FDFT1: variants seen among roughly 807,000 people sequenced by gnomAD.
FDFT1 encodes the protein farnesyl-diphosphate farnesyltransferase 1, also known as squalene synthase.
In FDFT1, 68 loss-of-function variants were observed where a neutral mutation model predicts 46.8. That is an observed-to-expected ratio of 1.45 (90% CI 1.19 to 1.78). The LOEUF (loss-of-function observed/expected upper bound fraction) is 1.78, where lower values mean the gene tolerates loss of function less well. Among genes scored for constraint, FDFT1 ranks in the 40% most tolerant of loss-of-function variants. The probability of loss-of-function intolerance (pLI) is 0.00; values close to 1 mark genes in which losing one functional copy is unlikely to be tolerated. For synonymous variants in FDFT1, 351 were observed against 185.1 expected, an observed-to-expected ratio of 1.90 and a Z score of -7.28; for missense variants, 928 against 524.4, an observed-to-expected ratio of 1.77 and a Z score of -7.52.
intron 7 of FDFT1, 120 bp downstream of exon 7, chr8:11,831,790 G>A (rs1193169906): frequency 1.1e-6 from 1 of 871,502 alleles, no homozygotes; most frequent in African/African-American, 1.7e-5. Flanking sequence ...GTGGCCTAAA[G>A]AGACAGGAAT....
At chr8:11,808,598 G>A in intron 1 of FDFT1, 196 bp from the exon 2 acceptor site, 1 of 1,389,258 alleles carries the variant, frequency 7.2e-7, no homozygotes, top group East Asian at 2.8e-5. Context: ...CGGCGCCCAG[G>A]GGCCCGGGCG....
chr8:11,818,216 G>A (rs1198648255), intron 3 of FDFT1, among the ~76,000 whole-genome samples: 2 of 152,210 alleles, frequency 1.3e-5, no homozygotes, highest in Admixed American at 6.5e-5. Flanking sequence ...TTTCACTGTG[G>A]TCTGAGAGAA....
rs556353133 is a variant in FDFT1, at chr8:11,820,164, C to T, written c.382-1586C>T. ...TAGACCCTGTTTACCTGGGTATCAC[C>T]AGTGGAGGCTGCAGAACAGCAAATA... is the stretch of plus-strand genomic sequence containing the variant. On this transcript the variant is annotated intron_variant, in intron 3 of 7. Coordinates refer to ENST00000220584, the MANE Select transcript of FDFT1 (RefSeq NM_004462.5). 2.0e-5 allele frequency among the ~76,000 whole-genome samples: 3 copies of T among 152,252 alleles called. No homozygotes were observed. The East Asian group carries it at 5.8e-4, about 29-fold the overall frequency.
chr8:11,817,556 C>T (rs1808631604), intron 3 of FDFT1, among the ~76,000 whole-genome samples: 1 of 152,170 alleles, frequency 6.6e-6, no homozygotes, highest in Non-Finnish European at 1.5e-5. Flanking sequence ...TGCTATTGGT[C>T]ATTTCAGAGG....
At chr8:11,809,004 G>C (rs2130720502) in intron 2 of FDFT1, 113 bp downstream of exon 2, 2 of 1,481,372 alleles carry the variant, frequency 1.4e-6, no homozygotes, top group Non-Finnish European at 1.8e-6. Context: ...CGTTGCTGTG[G>C]CTTATCCAGA....
intron 4 of FDFT1, among the ~76,000 whole-genome samples, chr8:11,825,506 C>G (rs1036373890): frequency 1.4e-5 from 2 of 145,818 alleles, no homozygotes; most frequent in Non-Finnish European, 1.5e-5. Flanking sequence ...TGCCAGTGCA[C>G]TCCAGCCCAG....
chr8:11,827,712 G>A (rs564517011), intron 5 of FDFT1, among the ~76,000 whole-genome samples: 1 of 152,240 alleles, frequency 6.6e-6, no homozygotes, highest in African/African-American at 2.4e-5. Context: ...AATCTGAAAA[G>A]ATGCTGAGTC....
chr8:11,815,817 T>C (rs1808364248), intron 3 of FDFT1, among the ~76,000 whole-genome samples: 1 of 152,230 alleles, frequency 6.6e-6, no homozygotes, highest in South Asian at 2.1e-4. Flanking sequence ...ATTCTGTAGG[T>C]TGCCTTTTAC....
chr8:11,837,650 T>C (rs953225338), intron 7 of FDFT1, among the ~76,000 whole-genome samples: 2 of 152,054 alleles, frequency 1.3e-5, no homozygotes, highest in Non-Finnish European at 2.9e-5. Flanking sequence ...TCAGGCTTTT[T>C]TTCTCCAGGT....
chr8:11,838,673 G>T lies in FDFT1; in HGVS notation c.*64G>T. The T allele has an allele frequency of 2.4e-6, 3 of 1,234,724 alleles. No individual in the cohort carries two copies. Among genetic ancestry groups the T allele is most frequent in the East Asian group, 2.3e-5 (1 of 42,936 alleles). 76.5% of individuals were successfully genotyped at this position (1,234,724 alleles called of 1,614,324 possible). A position where few individuals can be genotyped will look rare whatever the true frequency, so the allele number is the denominator to read the frequency against. On this transcript the variant is annotated 3_prime_UTR_variant, in exon 8 of 8. Transcript: ENST00000220584. ...GATTTACTTTTTTTCTTTAAGGATG[G>T]ATGTTGTGTTCTCTTTATTTTTTTC...
chr8:11,808,727 CT>C (rs1807254472), intron 1 of FDFT1, 66 bp from the exon 2 acceptor site: 10 of 1,565,858 alleles, frequency 6.4e-6, no homozygotes, highest in South Asian at 5.8e-5. Context: ...CCCACTCCCA[CT>C]CCCACTCCCA....
At chr8:11,827,357 A>C (rs1810141739) in intron 5 of FDFT1, among the ~76,000 whole-genome samples, 1 of 152,170 alleles carries the variant, frequency 6.6e-6, no homozygotes, top group Non-Finnish European at 1.5e-5. Flanking sequence ...AAATAAAACT[A>C]AATTTAAAAG....
intron 4 of FDFT1, among the ~76,000 whole-genome samples, chr8:11,823,073 G>C (rs1025425260): frequency 6.6e-6 from 1 of 152,126 alleles, no homozygotes; most frequent in Non-Finnish European, 1.5e-5. Flanking sequence ...TCCCACCTCA[G>C]CCTACCGAGT....
intron 3 of FDFT1, among the ~76,000 whole-genome samples, chr8:11,820,122 T>C (rs1033201136): frequency 2.6e-5 from 4 of 152,078 alleles, no homozygotes; most frequent in African/African-American, 9.7e-5. Context: ...TCTGTTGGAG[T>C]TGCTGGAGGT....
chr8:11,818,478 A>G (rs1417524439), intron 3 of FDFT1, among the ~76,000 whole-genome samples: 1 of 152,182 alleles, frequency 6.6e-6, no homozygotes, highest in East Asian at 1.9e-4. Context: ...CTCGCACACA[A>G]TAATAATGAG....
At chr8:11,802,552 C>T (rs1031788438), upstream of FDFT1, 5 of 586,906 alleles carry the variant, frequency 8.5e-6, no homozygotes, top group South Asian at 3.1e-5. Context: ...AGTGTTATCA[C>T]GCCAGTCTCC....
intron 5 of FDFT1, among the ~76,000 whole-genome samples, chr8:11,827,200 G>C (rs1373420981): frequency 6.6e-6 from 1 of 152,094 alleles, no homozygotes; most frequent in Admixed American, 6.5e-5. Flanking sequence ...GTGAGGCTAA[G>C]TGTGGTGTCT....
chr8:11,796,578 G>A (rs1585817031), intron 1 of FDFT1, among the ~76,000 whole-genome samples: 1 of 152,202 alleles, frequency 6.6e-6, no homozygotes, highest in Non-Finnish European at 1.5e-5. Context: ...GCTTTACGGT[G>A]GAAAAGGGGA....
At chr8:11,820,371 C>T (rs1325176467) in intron 3 of FDFT1, among the ~76,000 whole-genome samples, 2 of 152,198 alleles carry the variant, frequency 1.3e-5, no homozygotes, top group East Asian at 3.9e-4. Context: ...AGAACCACTG[C>T]TCTCTTCAGA....
Sources: gnomAD v4.1 joint callset for allele counts (sites outside exome capture counted in the v4.1 genomes callset) on GRCh38, gnomAD v4.1.1 for gene constraint, MANE v1.5 for transcripts, NCBI Gene and HGNC (gene_info 2026-07-23, HGNC 2026-07-21) for gene names.